COL11A2: variants seen among roughly 807,000 people sequenced by gnomAD.
The protein encoded by COL11A2 is collagen type XI alpha 2 chain.
Under a neutral mutation model 273.4 loss-of-function variants are expected in COL11A2, and 116 were observed. That is an observed-to-expected ratio of 0.42 (90% CI 0.36 to 0.49). The LOEUF is 0.49. Ranked by LOEUF, COL11A2 falls within the 20% of genes least tolerant of loss-of-function variation. The pLI is 0.00. For missense variants in COL11A2, 1,866 were observed against 2,309.0 expected (o/e 0.81, Z 3.93); for synonymous variants, 782 against 864.2 (o/e 0.90, Z 1.67).
Position 33,179,730 on chromosome 6 carries a change from G to A in COL11A2, c.1435C>T (p.Gln479Ter), listed in dbSNP as rs1216950323. Reference sequence around the variant, plus strand: ...GCAGCCCCACTCACCCTCGCCTGCTGCAGGATCGCCTGGGCCTGAGCCTCC... The same window carrying A: ...GCAGCCCCACTCACCCTCGCCTGCTACAGGATCGCCTGGGCCTGAGCCTCC... ...AQEAQAQAIL[Q>*]QARLALRGPP... The change falls in exon 13 of 66, where the codon CAG becomes TAG. Residue 479 changes from glutamine to a stop codon, truncating the protein, a stop_gained. Coordinates refer to ENST00000341947, the MANE Select transcript of COL11A2 (RefSeq NM_080680.3). LOFTEE classifies it high-confidence loss of function. This position sits in a 1 kb window ranked among gnomAD's most constrained non-coding sequence, Gnocchi z 6.4. 6.2e-7 allele frequency: 1 copy of A among 1,612,040 alleles called. No homozygotes were observed. Among genetic ancestry groups the A allele is most frequent in the Non-Finnish European group, 8.5e-7 (1 of 1,180,002 alleles).
At chr6:33,183,446 A>G (rs1264132866) in intron 8 of COL11A2, among the ~76,000 whole-genome samples, 1 of 152,272 alleles carries the variant, frequency 6.6e-6, no homozygotes, top group African/African-American at 2.4e-5. Context: ...ATTCTTCCAG[A>G]AAACACAAAC....
chr6:33,193,312 C>T (rs77997264), upstream of COL11A2, among the ~76,000 whole-genome samples: 3 of 151,910 alleles, frequency 2.0e-5, no homozygotes, highest in Admixed American at 2.0e-4. Context: ...CGAGCCGAGG[C>T]GCCGCCGCCC....
In COL11A2 at chr6:33,164,693, G is replaced by A. The variant is rs564347771; in HGVS notation, c.4863+159C>T. On this transcript the variant is annotated intron_variant, in intron 64 of 65. Transcript: ENST00000341947. This position sits in a 1 kb window ranked among gnomAD's most constrained non-coding sequence, Gnocchi z 4.7. ...AAGGCAAAGTGAGCATCAGAGGACC[G>A]GTGAAAAGGAAAAGAAGAAAGAGCT... 1.1e-4 allele frequency among the ~76,000 whole-genome samples: 17 copies of A among 152,168 alleles called. No individual in the cohort carries two copies. In the South Asian group the frequency reaches 3.5e-3, roughly 32 times the overall value.
In COL11A2 at chr6:33,174,048, G is replaced by A. The variant is rs121912949; in HGVS notation, c.2492C>T (p.Ser831Leu). The part of the protein sequence containing the change: ...ASGEKGARGL[S>L]GKSGPRGERG... ...TTCTCCCCGAGGCCCTGACTTCCCC[G>A]ACAGGCCCTGGTGGGAATGAAGCAG... The change falls in exon 33 of 66, where the codon TCG becomes TTG. Residue 831 changes from serine (S) to leucine (L), a missense_variant. Coordinates refer to ENST00000341947, the MANE Select transcript of COL11A2 (RefSeq NM_080680.3). The A allele has an allele frequency of 3.3e-5, 54 of 1,613,842 alleles. No individual in the cohort carries two copies. Among genetic ancestry groups the A allele is most frequent in the South Asian group, 8.8e-5 (8 of 91,076 alleles).
In COL11A2 at chr6:33,168,741, C is replaced by T. The variant is rs867979560; in HGVS notation, c.3871G>A (p.Gly1291Ser). ...GGCTCACCATCCTCGCCTCGGTCAC[C>T]CTTAGCACCATCCTGGCCCTGCAGA... ...GGPRGQDGAK[G>S]DRGEDGEPGQ... The change falls in exon 53 of 66, where the codon GGT (glycine) becomes AGT (serine). Residue 1291 changes from glycine to serine, a missense_variant. Coordinates refer to ENST00000341947, the MANE Select transcript of COL11A2 (RefSeq NM_080680.3). The T allele has an allele frequency of 6.3e-7, 1 of 1,596,708 alleles. No individual in the cohort carries two copies. Among genetic ancestry groups the T allele is most frequent in the Non-Finnish European group, 8.5e-7 (1 of 1,171,420 alleles).
Position 33,164,900 on chromosome 6 carries a change from G to T in COL11A2, c.4815C>A (p.Phe1605Leu). The T allele has an allele frequency of 6.3e-7, 1 of 1,578,994 alleles. No homozygotes were observed. The stretch of plus-strand genomic sequence containing the variant: ...TCACACAGGTCTCACCCCCTGCTGT[G>T]AAGTTGCAGAAAACTCGGAAGGCAT... ...ARDAFRVFCN[F>L]TAGGETCVTP... The change falls in exon 64 of 66, where the codon TTC becomes TTA. Residue 1605 changes from phenylalanine to leucine, a missense_variant. By Grantham distance (22) the Phe-to-Leu change is conservative. Transcript: ENST00000341947. The surrounding 1 kb of genome is among the most constrained non-coding windows in gnomAD (Gnocchi z 4.7).
At chr6:33,182,202 A>T (rs940722415) in intron 8 of COL11A2, among the ~76,000 whole-genome samples, 1 of 152,004 alleles carries the variant, frequency 6.6e-6, no homozygotes, top group Non-Finnish European at 1.5e-5. Context: ...TGAACCCAGG[A>T]GGTGGAGGTT....
In COL11A2 at chr6:33,169,697, C is replaced by T. The variant is rs1769754612; in HGVS notation, c.3690+134G>A. 2.4e-6 allele frequency: 3 copies of T among 1,230,064 alleles called. No homozygotes were observed. The African/African-American group carries it at 4.5e-5, about 18-fold the overall frequency. The allele number at this position is 1,230,064 out of a possible 1,614,324, so 76.2% of individuals were successfully genotyped here. A position where few individuals can be genotyped will look rare whatever the true frequency, so the allele number is the denominator to read the frequency against. ...GGCTCACTCAGACCAGGGATCAGGC[C>T]TCATAGAGGATGGCAGGGAGCAGAG... is the stretch of plus-strand genomic sequence containing the variant. On this transcript the variant is annotated intron_variant, in intron 50 of 65. Transcript: ENST00000341947. This position sits in a 1 kb window ranked among gnomAD's most constrained non-coding sequence, Gnocchi z 5.5.
intron 4 of COL11A2, among the ~76,000 whole-genome samples, chr6:33,187,484 AGGGTGAATGGAGGGAT>A (rs1254543993): frequency 6.6e-6 from 1 of 151,928 alleles, no homozygotes; most frequent in African/African-American, 2.4e-5. Context: ...ACTGGCTTGG[AGGGTGAATGGAGGGAT>A]GGGTGAATGG....
rs749031454 is a variant in COL11A2 at position 33,172,033 on chromosome 6, C to T, written c.3042+17G>A. On this transcript the variant is annotated intron_variant, in intron 41 of 65. Transcript: ENST00000341947. The stretch of plus-strand genomic sequence containing the variant: ...TTTCCCGGGTCCTTCCTACCACTTC[C>T]GGAACCCCAGACTCACTGCAGGGCC... 38 of 1,612,838 alleles carry T rather than the reference C, an allele frequency of 2.4e-5. No homozygotes were observed. In the East Asian group the frequency reaches 4.7e-4, roughly 20 times the overall value.
chr6:33,175,435 A>T, intron 30 of COL11A2, 139 bp downstream of exon 30: 1 of 749,272 alleles, frequency 1.3e-6, no homozygotes, highest in Non-Finnish European at 2.4e-6. Flanking sequence ...GAGAGATGCC[A>T]TTTACACAGA....
chr6:33,173,847 G>C lies in COL11A2; in HGVS notation c.2583+26C>G. ...GCTGGGGCTGAGTGGGCAGGGGGCA[G>C]TTGGAGCCTTGTAGAGACCATTCAC... On this transcript the variant is annotated intron_variant, in intron 34 of 65. Transcript: ENST00000341947. The surrounding 1 kb of genome is among the most constrained non-coding windows in gnomAD (Gnocchi z 6.3). The C allele has an allele frequency of 6.2e-7, 1 of 1,613,898 alleles. No homozygotes were observed. The highest frequency in any genetic ancestry group is 1.3e-5 in the African/African-American group (1 of 75,018).
rs1003927081 is a variant in COL11A2 at position 33,176,161 on chromosome 6, G to A, written c.2215-92C>T. On this transcript the variant is annotated intron_variant, in intron 28 of 65. Coordinates refer to ENST00000341947, the MANE Select transcript of COL11A2 (RefSeq NM_080680.3). This position sits in a 1 kb window ranked among gnomAD's most constrained non-coding sequence, Gnocchi z 4.9. ...AGAACATAGGTGGAAGCAGGGGCTC[G>A]GGAGCTGGACGGCAGTGCGGGGCAG... 38 of 1,604,884 alleles carry A rather than the reference G, an allele frequency of 2.4e-5. No homozygotes were observed. The Admixed American group carries it at 3.8e-4, about 16-fold the overall frequency.
Position 33,166,619 on chromosome 6 carries a change from G to A in COL11A2, c.4339-53C>T, listed in dbSNP as rs371596685. On this transcript the variant is annotated intron_variant, in intron 59 of 65. Transcript: ENST00000341947. This position sits in a 1 kb window ranked among gnomAD's most constrained non-coding sequence, Gnocchi z 4.8. ...GGGTCCTCCTCCCACACCCTCCTGA[G>A]CACCTGCTCGCTTACCCACAGCTGA... 1.1e-5 allele frequency: 17 copies of A among 1,611,540 alleles called. No individual in the cohort carries two copies. The highest frequency in any genetic ancestry group is 1.6e-4 in the Middle Eastern group (1 of 6,074).
chr6:33,176,286 C>A lies in COL11A2; in HGVS notation c.2187G>T (p.Arg729=). Residue 729 remains arginine, a synonymous_variant, in exon 28 of 66, where the codon CGG becomes CGT. Transcript: ENST00000341947. The surrounding 1 kb of genome is among the most constrained non-coding windows in gnomAD (Gnocchi z 4.9). The stretch of plus-strand genomic sequence containing the variant: ...TCTCACCCTTATGACCCTTCAGACC[C>A]CGAATTCCGTCCACACCCTAGAATT... ...PRGVKGVDGI[R]GLKGHKGEKG... is the part of the protein sequence containing the mutation. The A allele has an allele frequency of 6.2e-7, 1 of 1,607,308 alleles. No homozygotes were observed. The highest frequency in any genetic ancestry group is 8.5e-7 in the Non-Finnish European group (1 of 1,177,116).
In COL11A2 at chr6:33,176,822, C is replaced by A. The variant is rs1770973397; in HGVS notation, c.2071-57G>T. On this transcript the variant is annotated intron_variant, in intron 25 of 65. Transcript: ENST00000341947. The surrounding 1 kb of genome is among the most constrained non-coding windows in gnomAD (Gnocchi z 4.9). ...GGCCCCTGTCACCCTCTCTGCACCCCTCCCTACACTTCTTCCAACCCAAAT... is the reference window on the plus strand; with the variant it reads ...GGCCCCTGTCACCCTCTCTGCACCCATCCCTACACTTCTTCCAACCCAAAT... 2 of 1,582,230 alleles carry A rather than the reference C, an allele frequency of 1.3e-6. No homozygotes were observed. The highest frequency in any genetic ancestry group is 1.7e-6 in the Non-Finnish European group (2 of 1,159,692).
chr6:33,171,353 G>A (rs1235584070), intron 43 of COL11A2, 29 bp from the exon 44 acceptor site: 1 of 1,614,078 alleles, frequency 6.2e-7, no homozygotes, highest in Admixed American at 1.7e-5. Flanking sequence ...CAAGATATTA[G>A]AGAAAGGTGA....
rs142500487 is a variant in COL11A2 at position 33,169,842 on chromosome 6, G to A, written c.3679C>T (p.Pro1227Ser). The part of the protein sequence containing the change: ...ESGSPGIQGE[P>S]GVKGPRGERG... ...GAGCTGTCACTCACCTTGACACCTGGCTCGCCCTGGATCCCTGGAGATCCT... is the reference window on the plus strand; with the variant it reads ...GAGCTGTCACTCACCTTGACACCTGACTCGCCCTGGATCCCTGGAGATCCT... The change falls in exon 50 of 66, where the codon CCA becomes TCA. Residue 1227 changes from proline (P) to serine (S), a missense_variant. Coordinates refer to ENST00000341947, the MANE Select transcript of COL11A2 (RefSeq NM_080680.3). The surrounding 1 kb of genome is among the most constrained non-coding windows in gnomAD (Gnocchi z 5.5). 9 of 1,613,978 alleles carry A rather than the reference G, an allele frequency of 5.6e-6. No individual in the cohort carries two copies. In the African/African-American group the frequency reaches 8.0e-5, roughly 14 times the overall value.
Position 33,164,479 on chromosome 6 carries a change from AGGAGAGAGAGGGCTGGCCTCAGAGGG to A in COL11A2, c.4864-32_4864-7del, listed in dbSNP as rs767389906. 1.4e-4 allele frequency: 214 copies of A among 1,531,696 alleles called. No homozygotes were observed. Among genetic ancestry groups the A allele is most frequent in the Admixed American group, 2.0e-4 (10 of 50,232 alleles). The allele number at this position is 1,531,696 out of a possible 1,614,324, so 94.9% of individuals were successfully genotyped here. On this transcript the variant is annotated splice_polypyrimidine_tract_variant and splice_region_variant and intron_variant, in intron 64 of 65. Coordinates refer to ENST00000341947, the MANE Select transcript of COL11A2 (RefSeq NM_080680.3). The surrounding 1 kb of genome is among the most constrained non-coding windows in gnomAD (Gnocchi z 4.7). ...TCTGAGTCCACGTAAGAGAACTGGAAGGAGAGAGAGGGCTGGCCTCAGAGGGGGAGAGAGAGGGCTGGCCTCAGAGG... is the reference window on the plus strand; with the variant it reads ...TCTGAGTCCACGTAAGAGAACTGGAAGGAGAGAGAGGGCTGGCCTCAGAGG...
Sources: gnomAD v4.1 joint callset for allele counts (sites outside exome capture counted in the v4.1 genomes callset) on GRCh38, gnomAD v4.1.1 for gene constraint, Gnocchi (gnomAD v3.1) non-coding constraint, MANE v1.5 for transcripts, NCBI Gene and HGNC (gene_info 2026-07-23, HGNC 2026-07-21) for gene names.